SV2C: variants seen among roughly 807,000 people sequenced by gnomAD.
SV2C encodes the protein synaptic vesicle glycoprotein 2C.
Under a neutral mutation model 79.7 loss-of-function variants are expected in SV2C, and 49 were observed. The ratio of observed to expected loss-of-function variants is 0.61; its 90% confidence interval spans 0.49 to 0.78. SV2C has a LOEUF of 0.78. SV2C is among the 30% of genes least tolerant of loss of function. The probability of loss-of-function intolerance (pLI) is 0.00; values close to 1 mark genes in which losing one functional copy is unlikely to be tolerated. For synonymous variants in SV2C, 334 were observed against 333.2 expected (o/e 1.00, Z -0.03); for missense variants, 833 against 912.9 (o/e 0.91, Z 1.13).
At chr5:76,025,489 C>T in the SV2C span, among the ~76,000 whole-genome samples, 2 of 152,162 alleles carry the variant, frequency 1.3e-5, no homozygotes, top group African/African-American at 4.8e-5. Context: ...CATCATATTA[C>T]AGTGGAAATC....
At chr5:76,023,583 A>G in the SV2C span, among the ~76,000 whole-genome samples, 1 of 151,516 alleles carries the variant, frequency 6.6e-6, no homozygotes, top group Non-Finnish European at 1.5e-5. Flanking sequence ...TCCCAAAGTA[A>G]GCAATGTTAT....
intron 1 of SV2C, among the ~76,000 whole-genome samples, chr5:76,096,584 T>A (rs556788757): frequency 2.5e-4 from 38 of 152,254 alleles, no homozygotes; most frequent in Non-Finnish European, 5.1e-4. Context: ...TGCGTGGAGG[T>A]GGCAGAAGTA....
chr5:76,312,766 GCA>G (rs779880322), intron 12 of SV2C, among the ~76,000 whole-genome samples: 34 of 152,274 alleles, frequency 2.2e-4, no homozygotes, highest in South Asian at 6.2e-4. Context: ...CCTTATGCAT[GCA>G]CAGTTTCAGA....
the SV2C span, among the ~76,000 whole-genome samples, chr5:75,884,897 A>C: frequency 3.2e-3 from 484 of 152,220 alleles, 6 homozygotes; most frequent in Non-Finnish European, 3.9e-3. Context: ...AAAATACTGA[A>C]TCTTCAGAGT....
intron 12 of SV2C, among the ~76,000 whole-genome samples, chr5:76,343,059 G>A (rs1262617262): frequency 6.6e-6 from 1 of 152,186 alleles, no homozygotes; most frequent in African/African-American, 2.4e-5. Flanking sequence ...ATGCACAGAA[G>A]TTCCTAATTG....
intron 2 of SV2C, among the ~76,000 whole-genome samples, chr5:76,185,297 C>A: frequency 6.6e-6 from 1 of 152,224 alleles, no homozygotes; most frequent in African/African-American, 2.4e-5. Flanking sequence ...ATGGTGCAAG[C>A]TGTTGGCAGA....
chr5:76,146,797 T>TAAAAAAAA (rs34569063), intron 2 of SV2C, among the ~76,000 whole-genome samples: 1 of 39,332 alleles, frequency 2.5e-5, no homozygotes, highest in Admixed American at 2.9e-4. Flanking sequence ...AGTTTTTTTT[T>TAAAAAAAA]AAAAAAAAAA....
chr5:76,068,259 G>A, the SV2C span, among the ~76,000 whole-genome samples: 2 of 152,114 alleles, frequency 1.3e-5, no homozygotes, highest in East Asian at 3.8e-4. Context: ...TCAGGAGTGG[G>A]TGTGAAATTT....
the SV2C span, among the ~76,000 whole-genome samples, chr5:75,971,984 A>G: frequency 6.6e-6 from 1 of 152,112 alleles, no homozygotes. Flanking sequence ...AGAGATACAG[A>G]CTAATGGAAC....
At chr5:76,030,955 T>A in the SV2C span, among the ~76,000 whole-genome samples, 11 of 152,152 alleles carry the variant, frequency 7.2e-5, no homozygotes, top group Non-Finnish European at 1.5e-4. Flanking sequence ...ATTTCAACAA[T>A]TTTTTTCTGT....
At chr5:75,998,375 A>C in the SV2C span, among the ~76,000 whole-genome samples, 1 of 152,096 alleles carries the variant, frequency 6.6e-6, no homozygotes, top group Non-Finnish European at 1.5e-5. Flanking sequence ...GGTAGTAGAG[A>C]AATACTGAGA....
At chr5:75,916,106 A>G in the SV2C span, among the ~76,000 whole-genome samples, 2 of 152,200 alleles carry the variant, frequency 1.3e-5, no homozygotes, top group African/African-American at 2.4e-5. Context: ...TTGACTTCTA[A>G]TAAGAATGAA....
the SV2C span, among the ~76,000 whole-genome samples, chr5:75,975,977 TC>T: frequency 6.6e-6 from 1 of 152,112 alleles, no homozygotes; most frequent in Non-Finnish European, 1.5e-5. Flanking sequence ...TTAACTTAAA[TC>T]CATATGGCAG....
chr5:76,158,003 G>A (rs1161233735), intron 2 of SV2C, among the ~76,000 whole-genome samples: 1 of 151,360 alleles, frequency 6.6e-6, no homozygotes, highest in Non-Finnish European at 1.5e-5. Flanking sequence ...TATCTGAGAA[G>A]GCCTAGAGCA....
chr5:76,250,112 T>C (rs571011735), intron 4 of SV2C, among the ~76,000 whole-genome samples: 3 of 152,212 alleles, frequency 2.0e-5, no homozygotes, highest in East Asian at 1.9e-4. Flanking sequence ...CGAGGGTTAC[T>C]GCCTTGGTAA....
intron 12 of SV2C, among the ~76,000 whole-genome samples, chr5:76,318,005 AC>A (rs1324057396): frequency 6.6e-6 from 1 of 152,114 alleles, no homozygotes; most frequent in Non-Finnish European, 1.5e-5. Context: ...CTCAAAAAAA[AC>A]CCATATCTGG....
At chr5:76,110,454 G>T (rs1233052887) in intron 1 of SV2C, among the ~76,000 whole-genome samples, 1 of 152,184 alleles carries the variant, frequency 6.6e-6, no homozygotes, top group Non-Finnish European at 1.5e-5. Context: ...GAAGTTAGTA[G>T]GCAGGGCACT....
At chr5:76,181,819 C>G (rs572656709) in intron 2 of SV2C, among the ~76,000 whole-genome samples, 1 of 152,298 alleles carries the variant, frequency 6.6e-6, no homozygotes, top group South Asian at 2.1e-4. Context: ...GATTGCTTTC[C>G]TTCCCCACGC....
intron 4 of SV2C, chr5:76,281,074 C>G: frequency 1.8e-6 from 1 of 541,558 alleles, no homozygotes; most frequent in Non-Finnish European, 3.8e-6. Flanking sequence ...TAACTTAGCA[C>G]GTGTAAAGAC....
Sources: gnomAD v4.1 joint callset for allele counts (sites outside exome capture counted in the v4.1 genomes callset) on GRCh38, gnomAD v4.1.1 for gene constraint, MANE v1.5 for transcripts, NCBI Gene and HGNC (gene_info 2026-07-23, HGNC 2026-07-21) for gene names.